The following SPAG17 variants were observed in gnomAD, a reference collection of about 807,000 sequenced individuals.
SPAG17 encodes the protein sperm-associated antigen 17.
Under a neutral mutation model 273.6 loss-of-function variants are expected in SPAG17, and 169 were observed. The observed-to-expected ratio is 0.62, with a 90% CI of 0.55 to 0.70. The LOEUF is 0.70. Among genes scored for constraint, SPAG17 ranks in the 30% least tolerant of loss-of-function variants. The pLI, the probability that SPAG17 is intolerant of heterozygous loss-of-function variation, is 0.00. For missense variants in SPAG17, 2,557 were observed against 2,627.8 expected (o/e 0.97, Z 0.59); for synonymous variants, 825 against 873.2 (o/e 0.94, Z 0.97).
At chr1:118,130,874 T>G (rs1658019229) in intron 3 of SPAG17, among the ~76,000 whole-genome samples, 1 of 152,186 alleles carries the variant, frequency 6.6e-6, no homozygotes, top group Non-Finnish European at 1.5e-5. Flanking sequence ...CCAAGATTCT[T>G]TCCCAAGAAC....
At chr1:118,068,578 T>C (rs1022425130) in intron 17 of SPAG17, among the ~76,000 whole-genome samples, 8 of 152,202 alleles carry the variant, frequency 5.3e-5, no homozygotes, top group African/African-American at 1.7e-4. Context: ...TCAATCAATA[T>C]GTAAAGTTTT....
intron 8 of SPAG17, 102 bp from the exon 9 acceptor site, chr1:118,092,104 A>G (rs940746376): frequency 4.1e-6 from 4 of 971,932 alleles, no homozygotes; most frequent in Non-Finnish European, 3.3e-6. Flanking sequence ...CTCAGGTTGT[A>G]TAATTATGTT....
At chr1:118,158,122 A>C (rs527395057) in intron 1 of SPAG17, among the ~76,000 whole-genome samples, 1 of 152,320 alleles carries the variant, frequency 6.6e-6, no homozygotes, top group South Asian at 2.1e-4. Flanking sequence ...CTTGGAAGAG[A>C]GGGCCAGAAT....
intron 47 of SPAG17, chr1:117,964,773 ACT>A (rs1653598647): frequency 6.6e-6 from 1 of 152,164 alleles, no homozygotes; most frequent in East Asian, 1.9e-4. Flanking sequence ...AATGAACTAA[ACT>A]TCATTTATTG....
At position 118,008,103 on chromosome 1, in the gene SPAG17, A is replaced by T. The variant is rs780885071; in HGVS notation, c.4528T>A (p.Cys1510Ser). 32 of 1,613,972 alleles carry T rather than the reference A, an allele frequency of 2.0e-5. No homozygotes were observed. The highest frequency in any genetic ancestry group is 2.6e-5 in the Non-Finnish European group (31 of 1,179,976). ...TVIANCEDSS[C>S]CATFGDGTTI... is the part of the protein sequence containing the mutation. ...GTTCCATCTCCAAAGGTGGCACAGC[A>T]GCTACTGTCCTCACAGTTGGCGATA... Residue 1510 changes from cysteine (C) to serine (S), a missense_variant, in exon 31 of 49, where the codon TGC (cysteine) becomes AGC (serine). Cys to Ser is a moderately radical substitution (Grantham distance 112). Coordinates refer to ENST00000336338, the MANE Select transcript of SPAG17 (RefSeq NM_206996.4).
intron 1 of SPAG17, among the ~76,000 whole-genome samples, chr1:118,157,058 G>A (rs138426035): frequency 6.6e-6 from 1 of 152,244 alleles, no homozygotes; most frequent in African/African-American, 2.4e-5. Context: ...TCTCTTCAGT[G>A]TGATTGCCTT....
chr1:118,064,827 C>T (rs766178535), intron 18 of SPAG17, among the ~76,000 whole-genome samples: 8 of 151,360 alleles, frequency 5.3e-5, no homozygotes, highest in Admixed American at 6.6e-5. Flanking sequence ...GTTGCTAAGG[C>T]GGTATTTAGG....
rs150982497 is a variant in SPAG17, at chr1:118,012,359, C to T, written c.4301G>A (p.Arg1434Gln). 1.4e-5 allele frequency: 23 copies of T among 1,612,984 alleles called. No individual in the cohort carries two copies. In the East Asian group the frequency reaches 1.8e-4, roughly 13 times the overall value. Residue 1434 changes from arginine (R) to glutamine (Q), a missense_variant, in exon 30 of 49, where the codon CGA (arginine) becomes CAA (glutamine). Arg to Gln is a conservative substitution (Grantham distance 43). Coordinates refer to ENST00000336338, the MANE Select transcript of SPAG17 (RefSeq NM_206996.4). ...DPVNGTVMTTREDKVVIVERK... is the reference protein window; with the variant it reads ...DPVNGTVMTTQEDKVVIVERK... The stretch of plus-strand genomic sequence containing the variant: ...TTCAACTATGACAACTTTGTCTTCT[C>T]GAGTTGTCATAACCTGAACATGAAG...
At chr1:118,184,969 G>C in intron 1 of SPAG17, 102 bp downstream of exon 1, 3 of 963,368 alleles carry the variant, frequency 3.1e-6, no homozygotes, top group Non-Finnish European at 3.3e-6. Flanking sequence ...GCCACGGAGA[G>C]ATACGGAAGA....
At chr1:117,992,191 T>C (rs1242874358) in intron 36 of SPAG17, among the ~76,000 whole-genome samples, 5 of 152,188 alleles carry the variant, frequency 3.3e-5, no homozygotes, top group Non-Finnish European at 7.3e-5. Flanking sequence ...ATCAGTTTTC[T>C]ATACAGTGAC....
At chr1:118,109,008 T>C (rs916357963) in intron 4 of SPAG17, among the ~76,000 whole-genome samples, 1 of 152,192 alleles carries the variant, frequency 6.6e-6, no homozygotes, top group African/African-American at 2.4e-5. Flanking sequence ...TTAGATCATA[T>C]TTTATTTCTA....
rs769084468 is a variant in SPAG17, at chr1:117,971,933, C to G, written c.6256G>C (p.Gly2086Arg). ...FHLLPSSVKF[G>R]VLKEGHTYAT... ...TAGGTATGTCCTTCCTTAAGCACTC[C>G]AAACTTGACTGATGATGGGAGAAGA... The change falls in exon 45 of 49, where the codon GGA (glycine) becomes CGA (arginine). Residue 2086 changes from glycine to arginine, a missense_variant. Physicochemically the swap from Gly to Arg is moderately radical, Grantham distance 125. Transcript: ENST00000336338. 1 of 1,613,954 alleles carries G rather than the reference C, an allele frequency of 6.2e-7. No individual in the cohort carries two copies. Among genetic ancestry groups the G allele is most frequent in the Non-Finnish European group, 8.5e-7 (1 of 1,179,992 alleles).
At chr1:118,097,964 T>C (rs1055509782) in intron 6 of SPAG17, 113 bp from the exon 7 acceptor site, 1 of 555,422 alleles carries the variant, frequency 1.8e-6, no homozygotes, top group Admixed American at 4.2e-5. Flanking sequence ...TACCAGAAAA[T>C]GTAAATAAAG....
chr1:118,175,574 C>CAAAAAAA (rs79880272), intron 1 of SPAG17, among the ~76,000 whole-genome samples: 1 of 43,874 alleles, frequency 2.3e-5, no homozygotes, highest in African/African-American at 8.3e-5. Context: ...TTTCAAAGTA[C>CAAAAAAA]AAAAAAAAAA....
In SPAG17 at chr1:118,185,091, T is replaced by G. The variant is rs1398373357; in HGVS notation, c.67A>C (p.Ile23Leu). 1 of 1,614,050 alleles carries G rather than the reference T, an allele frequency of 6.2e-7. No individual in the cohort carries two copies. The highest frequency in any genetic ancestry group is 8.5e-7 in the Non-Finnish European group (1 of 1,180,006). The part of the protein sequence containing the change: ...TSSKIWEPSL[I>L]AAQFNQNDWQ... ...CTCACCTGATTGAACTGTGCAGCTA[T>G]GAGCGAGGGTTCCCATATCTTAGAA... Residue 23 changes from isoleucine to leucine, a missense_variant, in exon 1 of 49, where the codon ATA (isoleucine) becomes CTA (leucine). By Grantham distance (5) the Ile-to-Leu change is conservative (BLOSUM62 2). Coordinates refer to ENST00000336338, the MANE Select transcript of SPAG17 (RefSeq NM_206996.4).
At chr1:117,956,497 C>T (rs1409220738) in intron 48 of SPAG17, among the ~76,000 whole-genome samples, 1 of 152,086 alleles carries the variant, frequency 6.6e-6, no homozygotes, top group Non-Finnish European at 1.5e-5. Context: ...GTGGAGGTTA[C>T]AATACATTTC....
At chr1:118,149,814 T>G (rs1236376904) in intron 3 of SPAG17, among the ~76,000 whole-genome samples, 1 of 152,216 alleles carries the variant, frequency 6.6e-6, no homozygotes, top group Non-Finnish European at 1.5e-5. Flanking sequence ...CATAAAACAG[T>G]GCCTGACAAA....
At chr1:117,977,710 T>C (rs1290974654) in intron 43 of SPAG17, among the ~76,000 whole-genome samples, 1 of 152,228 alleles carries the variant, frequency 6.6e-6, no homozygotes, top group Non-Finnish European at 1.5e-5. Context: ...TACCTCGGTA[T>C]CTGGGGGTGC....
chr1:117,959,568 A>G (rs1652754277), intron 48 of SPAG17: 4 of 1,103,494 alleles, frequency 3.6e-6, no homozygotes, highest in Middle Eastern at 2.9e-4. Flanking sequence ...ATTGCAGATG[A>G]TATCAGGATG....
Sources: gnomAD v4.1 joint callset for allele counts (sites outside exome capture counted in the v4.1 genomes callset) on GRCh38, gnomAD v4.1.1 for gene constraint, MANE v1.5 for transcripts, NCBI Gene and HGNC (gene_info 2026-07-23, HGNC 2026-07-21) for gene names.